The following SCN11A variants were observed in gnomAD, a reference collection of about 807,000 sequenced individuals.
The protein encoded by SCN11A is sodium channel protein type 11 subunit alpha.
Under a neutral mutation model 162.2 loss-of-function variants are expected in SCN11A, and 122 were observed. That is an observed-to-expected ratio of 0.75 (90% CI 0.65 to 0.87). SCN11A has a LOEUF of 0.87. Among genes scored for constraint, SCN11A ranks in the 40% least tolerant of loss-of-function variants. The probability of loss-of-function intolerance (pLI) is 0.00; values close to 1 mark genes in which losing one functional copy is unlikely to be tolerated. For synonymous variants in SCN11A, 758 were observed against 751.5 expected (o/e 1.01, Z -0.14); for missense variants, 2,015 against 2,181.6 (o/e 0.92, Z 1.52).
intron 2 of SCN11A, among the ~76,000 whole-genome samples, chr3:39,022,275 T>G (rs1023624718): frequency 1.3e-5 from 2 of 152,176 alleles, no homozygotes; most frequent in African/African-American, 4.8e-5. Context: ...TCATAAATAT[T>G]CATGACTTTT....
intron 1 of SCN11A, among the ~76,000 whole-genome samples, chr3:39,045,168 A>G (rs777238459): frequency 1.3e-5 from 2 of 152,182 alleles, no homozygotes; most frequent in African/African-American, 4.8e-5. Flanking sequence ...GTCTCCCAAC[A>G]AAGAAAAGCC....
intron 17 of SCN11A, 45 bp from the exon 18 acceptor site, chr3:38,897,270 A>G (rs751597762): frequency 1.8e-5 from 28 of 1,547,808 alleles, no homozygotes; most frequent in Admixed American, 8.2e-5. Context: ...AAGCCAGTTA[A>G]GGACAAACTC....
Position 38,894,598 on chromosome 3 carries a change from C to T in SCN11A, c.2770G>A (p.Asp924Asn), listed in dbSNP as rs181467215. Residue 924 changes from aspartate (D) to asparagine (N), a missense_variant, in exon 19 of 30, where the codon GAT (aspartate) becomes AAT (asparagine). By Grantham distance (23) the Asp-to-Asn change is conservative. Transcript: ENST00000302328. Reference sequence around the variant, plus strand: ...TCTTCACCAGAAAATTCAACGTCATCTTCCTCCTCCGCAAGTGGTGCCAAC... The same window carrying T: ...TCTTCACCAGAAAATTCAACGTCATTTTCCTCCTCCGCAAGTGGTGCCAAC... The part of the protein sequence containing the change: ...TWLAPLAEEE[D>N]DVEFSGEDNA... 101 of 1,614,116 alleles carry T rather than the reference C, an allele frequency of 6.3e-5. No individual in the cohort carries two copies. In the African/African-American group the frequency reaches 1.2e-3, roughly 19 times the overall value.
intron 2 of SCN11A, among the ~76,000 whole-genome samples, chr3:39,014,713 T>C (rs772442361): frequency 6.6e-6 from 1 of 152,142 alleles, no homozygotes; most frequent in Non-Finnish European, 1.5e-5. Flanking sequence ...TGGGGGTGAA[T>C]AGGAATCCTA....
chr3:38,969,310 T>C (rs939192484), intron 2 of SCN11A, among the ~76,000 whole-genome samples: 6 of 152,232 alleles, frequency 3.9e-5, no homozygotes, highest in African/African-American at 9.6e-5. Context: ...CAATTTACCC[T>C]GGCTTCATTC....
chr3:38,933,031 A>G (rs184873615), intron 7 of SCN11A, among the ~76,000 whole-genome samples: 117 of 152,358 alleles, frequency 7.7e-4, no homozygotes, highest in African/African-American at 2.7e-3. Context: ...CAAAACTTCC[A>G]GAGAAATGAT....
chr3:38,880,615 T>C (rs1002477596), intron 22 of SCN11A, among the ~76,000 whole-genome samples: 3 of 152,202 alleles, frequency 2.0e-5, no homozygotes, highest in African/African-American at 7.2e-5. Context: ...CCCTCATCTA[T>C]CCCTACAAAC....
intron 7 of SCN11A, among the ~76,000 whole-genome samples, chr3:38,930,638 C>T (rs190255324): frequency 3.8e-4 from 58 of 152,274 alleles, no homozygotes; most frequent in African/African-American, 1.3e-3. Context: ...TCTAGTCTCC[C>T]ACCTCTTACT....
rs866218953 is a variant in SCN11A, at chr3:38,897,219, C to T, written c.2029G>A (p.Val677Ile). ...PFLRSFRVLR[V>I]FKLAKSWPTL... ...GGCCAGGATTTGGCTAACTTGAAGA[C>T]CCTGAGCTGTAGAAAAAGACAACAA... is the stretch of plus-strand genomic sequence containing the variant. Residue 677 changes from valine (V) to isoleucine (I), a missense_variant, in exon 18 of 30, where the codon GTC (valine) becomes ATC (isoleucine). By Grantham distance (29) the Val-to-Ile change is conservative. Coordinates refer to ENST00000302328, the MANE Select transcript of SCN11A (RefSeq NM_001349253.2). The T allele has an allele frequency of 6.3e-7, 1 of 1,587,538 alleles. No homozygotes were observed. The highest frequency in any genetic ancestry group is 8.5e-7 in the Non-Finnish European group (1 of 1,170,062).
chr3:38,860,527 A>G (rs1253645948), intron 28 of SCN11A, among the ~76,000 whole-genome samples: 2 of 152,198 alleles, frequency 1.3e-5, no homozygotes, highest in East Asian at 3.8e-4. Flanking sequence ...CAGCATATCA[A>G]AAAGAAAATC....
intron 7 of SCN11A, among the ~76,000 whole-genome samples, chr3:38,942,316 A>T (rs2125569987): frequency 6.6e-6 from 1 of 152,270 alleles, no homozygotes; most frequent in South Asian, 2.1e-4. Context: ...AAAATCAGTA[A>T]AGGTACAAAA....
chr3:38,895,062 A>C, intron 18 of SCN11A, 98 bp from the exon 19 acceptor site: 1 of 1,105,046 alleles, frequency 9.0e-7, no homozygotes, highest in Non-Finnish European at 1.3e-6. Flanking sequence ...TAAAAACAGA[A>C]TCAAATTAGA....
At chr3:38,884,990 C>T (rs2065371049) in intron 21 of SCN11A, among the ~76,000 whole-genome samples, 1 of 152,152 alleles carries the variant, frequency 6.6e-6, no homozygotes, top group African/African-American at 2.4e-5. Flanking sequence ...ATTGAATGCC[C>T]TGGGAACCAT....
At chr3:38,885,502 T>C in intron 20 of SCN11A, 100 bp from the exon 21 acceptor site, 1 of 697,556 alleles carries the variant, frequency 1.4e-6, no homozygotes, top group Non-Finnish European at 2.5e-6. Context: ...AAGGATGAAA[T>C]GAACTAGGCA....
chr3:38,888,655 A>G (rs1175201583), intron 19 of SCN11A, among the ~76,000 whole-genome samples: 1 of 152,268 alleles, frequency 6.6e-6, no homozygotes, highest in Admixed American at 6.5e-5. Flanking sequence ...GGAAATAAGC[A>G]TAAGTGGTGA....
intron 2 of SCN11A, among the ~76,000 whole-genome samples, chr3:38,967,028 A>C (rs1350985842): frequency 1.3e-5 from 2 of 152,212 alleles, no homozygotes; most frequent in Admixed American, 6.5e-5. Context: ...TGTGCACTTG[A>C]GATGATTACT....
chr3:38,915,009 T>C (rs1274544189), intron 11 of SCN11A, among the ~76,000 whole-genome samples: 6 of 151,870 alleles, frequency 4.0e-5, no homozygotes, highest in Non-Finnish European at 8.8e-5. Context: ...TGGGGAGGAG[T>C]CTCTGCTCCT....
At chr3:38,955,084 T>A (rs1487920951) in intron 3 of SCN11A, among the ~76,000 whole-genome samples, 3 of 152,038 alleles carry the variant, frequency 2.0e-5, no homozygotes, top group African/African-American at 7.2e-5. Context: ...ATACCAGGGG[T>A]TTGAGACCAG....
chr3:38,944,612 C>CA (rs2066488523), intron 7 of SCN11A, among the ~76,000 whole-genome samples: 1 of 151,866 alleles, frequency 6.6e-6, no homozygotes, highest in Admixed American at 6.6e-5. Context: ...AGGCATGAGC[C>CA]ACCACGCCCA....
Sources: gnomAD v4.1 joint callset for allele counts (sites outside exome capture counted in the v4.1 genomes callset) on GRCh38, gnomAD v4.1.1 for gene constraint, MANE v1.5 for transcripts, NCBI Gene and HGNC (gene_info 2026-07-23, HGNC 2026-07-21) for gene names.